SYNE2: variants seen among roughly 807,000 people sequenced by gnomAD.
SYNE2 encodes spectrin repeat containing nuclear envelope protein 2, also known as nesprin-2.
In SYNE2, 431 loss-of-function variants were observed where a neutral mutation model predicts 856.3. The observed-to-expected ratio is 0.50, with a 90% CI of 0.47 to 0.55. The LOEUF is 0.55. Ranked by LOEUF, SYNE2 falls within the 20% of genes least tolerant of loss-of-function variation. The pLI is 0.00. For synonymous variants in SYNE2, 2,923 were observed against 2,872.3 expected (o/e 1.02, Z -0.56); for missense variants, 8,129 against 8,023.2 (o/e 1.01, Z -0.50).
intron 97 of SYNE2, among the ~76,000 whole-genome samples, chr14:64,187,688 G>T (rs1009318745): frequency 2.6e-4 from 40 of 152,270 alleles, no homozygotes; most frequent in African/African-American, 9.4e-4. Flanking sequence ...AAATCTCAGA[G>T]AATTCACCCT....
At chr14:63,819,197 G>A (rs1889121036) in intron 1 of SYNE2, among the ~76,000 whole-genome samples, 1 of 151,952 alleles carries the variant, frequency 6.6e-6, no homozygotes, top group African/African-American at 2.4e-5. Flanking sequence ...CAGGATACAA[G>A]ATTAACATAC....
intron 1 of SYNE2, among the ~76,000 whole-genome samples, chr14:63,879,060 T>C (rs547362630): frequency 1.8e-4 from 27 of 151,912 alleles, no homozygotes; most frequent in Middle Eastern, 6.3e-3. Flanking sequence ...AAAAGCTCAG[T>C]TGGGTGTGCT....
intron 31 of SYNE2, among the ~76,000 whole-genome samples, 156 bp downstream of exon 31, chr14:64,007,378 C>T (rs2153513482): frequency 6.6e-6 from 1 of 152,298 alleles, no homozygotes; most frequent in Admixed American, 6.5e-5. Context: ...GTGTCTGGGA[C>T]AAGACCTAGA....
intron 1 of SYNE2, among the ~76,000 whole-genome samples, chr14:63,908,676 C>T (rs1048536909): frequency 2.0e-5 from 3 of 152,230 alleles, no homozygotes; most frequent in Admixed American, 6.5e-5. Context: ...ATAACTGGGG[C>T]AGAAAAGGAA....
intron 115 of SYNE2, 79 bp from the exon 116 acceptor site, chr14:64,225,240 C>A (rs1327555521): frequency 3.1e-6 from 5 of 1,608,946 alleles, no homozygotes; most frequent in Non-Finnish European, 4.3e-6. Context: ...TTCTTACTTA[C>A]ATAAGCAGGG....
At chr14:64,100,514 CAAA>C (rs35489245) in intron 63 of SYNE2, among the ~76,000 whole-genome samples, 379 of 23,656 alleles carry the variant, frequency 0.016, 4 homozygotes, top group East Asian at 0.024. Flanking sequence ...AAAACTGTCT[CAAA>C]AAAAAAAAAA....
chr14:64,146,125 A>G lies in SYNE2; in HGVS notation c.15541A>G (p.Ile5181Val), dbSNP rs1488074049. The G allele has an allele frequency of 3.1e-6, 5 of 1,608,228 alleles. No homozygotes were observed. Among genetic ancestry groups the G allele is most frequent in the Non-Finnish European group, 3.4e-6 (4 of 1,176,500 alleles). The change falls in exon 84 of 116, where the codon ATC becomes GTC. Residue 5181 changes from isoleucine to valine, a missense_variant. Physicochemically the swap from Ile to Val is conservative, Grantham distance 29 (BLOSUM62 3). This residue lies in a region of SYNE2 where 5,410 missense variants were observed against 5,284.8 expected (regional missense o/e 1.02). Transcript: ENST00000555002. ...SITESENKIQILNNWLEAQEE... is the reference protein window; with the variant it reads ...SITESENKIQVLNNWLEAQEE... ...CACTGAGAGTGAAAATAAAATACAG[A>G]TCTTGAACAACTGGCTGGAAGCACA...
At chr14:64,047,873 C>T in intron 45 of SYNE2, 127 bp from the exon 46 acceptor site, 1 of 1,018,688 alleles carries the variant, frequency 9.8e-7, no homozygotes, top group Non-Finnish European at 1.5e-6. Flanking sequence ...TTCGTAGTGC[C>T]CAAATATACT....
intron 29 of SYNE2, among the ~76,000 whole-genome samples, chr14:64,002,487 G>T (rs1055729058): frequency 2.0e-5 from 3 of 152,130 alleles, no homozygotes; most frequent in African/African-American, 7.2e-5. Context: ...ATCTAATTAT[G>T]TACTTTGAAG....
chr14:64,025,232 A>T lies in SYNE2; in HGVS notation c.6063A>T (p.Arg2021Ser). ...TGGAAGCAACATGTTTGATGGATAG[A>T]TACCAGACATTACTGAGACAACTAA... Reference protein sequence around the residue: ...IIMEATCLMDRYQTLLRQLSE... With the variant: ...IIMEATCLMDSYQTLLRQLSE... Residue 2021 changes from arginine (R) to serine (S), a missense_variant, in exon 41 of 116, where the codon AGA (arginine) becomes AGT (serine). This residue lies in a region of SYNE2 where 2,422 missense variants were observed against 2,357.4 expected (regional missense o/e 1.03). Coordinates refer to ENST00000555002, the MANE Select transcript of SYNE2 (RefSeq NM_182914.3). 1 of 1,614,142 alleles carries T rather than the reference A, an allele frequency of 6.2e-7. No individual in the cohort carries two copies. Among genetic ancestry groups the T allele is most frequent in the Non-Finnish European group, 8.5e-7 (1 of 1,179,998 alleles).
intron 45 of SYNE2, among the ~76,000 whole-genome samples, chr14:64,040,597 A>AATATATATATATATATATATATGTAT (rs3031304): frequency 7.0e-6 from 1 of 142,544 alleles, no homozygotes; most frequent in African/African-American, 2.6e-5. Context: ...TGAGGTTAAA[A>AATATATATATATATATATATATGTAT]ATATATATAT....
rs1464037937 is a variant in SYNE2, at chr14:64,003,108, A to C, written c.4175A>C (p.Glu1392Ala). The change falls in exon 30 of 116, where the codon GAA (glutamate) becomes GCA (alanine). Residue 1392 changes from glutamate (E) to alanine (A), a missense_variant. Physicochemically the swap from Glu to Ala is moderately radical, Grantham distance 107. Coordinates refer to ENST00000555002, the MANE Select transcript of SYNE2 (RefSeq NM_182914.3). ...CTCGATATGAGCTTTAAAGATGCTG[A>C]ACGGGGTGATGACACCTCCTGTGAA... Reference protein sequence around the residue: ...KMLDMSFKDAERGDDTSCENL... With the variant: ...KMLDMSFKDAARGDDTSCENL... The C allele has an allele frequency of 6.2e-7, 1 of 1,614,174 alleles. No homozygotes were observed.
At chr14:63,770,094 A>G (rs541247731) in intron 1 of SYNE2, among the ~76,000 whole-genome samples, 70 of 152,058 alleles carry the variant, frequency 4.6e-4, no homozygotes, top group Admixed American at 6.5e-4. Context: ...TTTTATTTTT[A>G]TCTTTTGTAG....
Position 64,194,095 on chromosome 14 carries a change from A to G in SYNE2, c.18038+3858A>G, listed in dbSNP as rs188310856. ...GCAGCTTCTTACAGTGGTGACATCT[A>G]CACTCTTATGAAACATGCAGGTAAT... On this transcript the variant is annotated intron_variant, in intron 99 of 115. Transcript: ENST00000555002. 1.4e-3 allele frequency among the ~76,000 whole-genome samples: 217 copies of G among 152,320 alleles called. 1 individual carries two copies. Among genetic ancestry groups the G allele is most frequent in the South Asian group, 1.0e-2 (48 of 4,814 alleles).
intron 56 of SYNE2, 65 bp from the exon 57 acceptor site, chr14:64,081,378 T>TC: frequency 6.3e-7 from 1 of 1,597,428 alleles, no homozygotes; most frequent in East Asian, 2.2e-5. Flanking sequence ...TGACTCTTCA[T>TC]CTAGGAGTCA....
chr14:63,949,128 C>T (rs1337154368), intron 6 of SYNE2, among the ~76,000 whole-genome samples: 2 of 151,960 alleles, frequency 1.3e-5, no homozygotes, highest in Non-Finnish European at 2.9e-5. Context: ...AATACTTTTA[C>T]GTTTATGGAT....
rs560498151 is a variant in SYNE2, at chr14:64,013,832, C to T, written c.4729-2641C>T. Among the ~76,000 whole-genome samples, 5 of 151,998 alleles carry T rather than the reference C, an allele frequency of 3.3e-5. No homozygotes were observed. In the East Asian group the frequency reaches 9.7e-4, roughly 29 times the overall value. On this transcript the variant is annotated intron_variant, in intron 32 of 115. Coordinates refer to ENST00000555002, the MANE Select transcript of SYNE2 (RefSeq NM_182914.3). ...CTTTATTTTGAGATAATGGTAAACT[C>T]ACATATAAAAATAATACAAACAAAT...
At chr14:64,214,605 C>G in intron 106 of SYNE2, 135 bp downstream of exon 106, 1 of 813,786 alleles carries the variant, frequency 1.2e-6, no homozygotes, top group Non-Finnish European at 1.9e-6. Flanking sequence ...TTCCTGTGCT[C>G]TATCCTGCCC....
chr14:64,176,415 A>G (rs936996048), intron 95 of SYNE2, among the ~76,000 whole-genome samples: 25 of 152,264 alleles, frequency 1.6e-4, no homozygotes, highest in South Asian at 2.1e-4. Flanking sequence ...TAAGGTTATT[A>G]TAATTACAAT....
Sources: allele counts gnomAD v4.1 joint callset (sites outside exome capture counted in the v4.1 genomes callset), GRCh38; gene constraint gnomAD v4.1.1; regional missense constraint gnomAD v4.1.1; transcripts MANE v1.5; gene names NCBI Gene and HGNC (gene_info 2026-07-23, HGNC 2026-07-21).